SLC2A9: variants seen among roughly 807,000 people sequenced by gnomAD.
SLC2A9 encodes solute carrier family 2 member 9, also known as solute carrier family 2, facilitated glucose transporter member 9.
Under a neutral mutation model 50.6 loss-of-function variants are expected in SLC2A9, and 39 were observed. The observed-to-expected ratio is 0.77, with a 90% confidence interval of 0.60 to 1.01. The LOEUF (loss-of-function observed/expected upper bound fraction) is 1.01, where lower values mean the gene tolerates loss of function less well. SLC2A9 is among the 50% of genes least tolerant of loss of function. The probability of loss-of-function intolerance (pLI) is 0.00; values close to 1 mark genes in which losing one functional copy is unlikely to be tolerated. For synonymous variants in SLC2A9, 324 were observed against 276.9 expected, an observed-to-expected ratio of 1.17 and a Z score of -1.69; for missense variants, 686 against 677.6, an observed-to-expected ratio of 1.01 and a Z score of -0.14.
At chr4:9,801,818 G>T (rs1560130947) in intron 3 of SLC2A9, among the ~76,000 whole-genome samples, 1 of 152,152 alleles carries the variant, frequency 6.6e-6, no homozygotes, top group Non-Finnish European at 1.5e-5. Context: ...AAACAAGGGG[G>T]TTACAGGATA....
chr4:9,985,327 T>C (rs548188898), intron 4 of SLC2A9, among the ~76,000 whole-genome samples: 1 of 152,216 alleles, frequency 6.6e-6, no homozygotes, highest in East Asian at 1.9e-4. Flanking sequence ...AGAAACCCCA[T>C]CCTCATAAAA....
downstream of SLC2A9, among the ~76,000 whole-genome samples, chr4:9,775,478 C>T (rs1252365176): frequency 2.6e-5 from 4 of 152,098 alleles, no homozygotes; most frequent in Admixed American, 6.5e-5. Flanking sequence ...TTATCTCCAC[C>T]CAGATTTCAT....
intron 1 of SLC2A9, 83 bp downstream of exon 1, chr4:10,021,197 G>A: frequency 1.4e-6 from 2 of 1,443,220 alleles, no homozygotes; most frequent in Non-Finnish European, 1.9e-6. Context: ...GCCAGGCTGG[G>A]GCTGAGCACT....
chr4:10,021,676 A>AT (rs35419761), upstream of SLC2A9, among the ~76,000 whole-genome samples: 216 of 146,060 alleles, frequency 1.5e-3, no homozygotes, highest in Admixed American at 2.3e-3. Context: ...AGGGGGTGGA[A>AT]TTTTTTTTTT....
intron 10 of SLC2A9, among the ~76,000 whole-genome samples, chr4:9,844,274 T>C (rs75203506): frequency 0.01 from 1,587 of 152,210 alleles, 34 homozygotes; most frequent in African/African-American, 0.036. Flanking sequence ...CCCCTCTTTC[T>C]TTCTCTCCAT....
At chr4:9,795,724 C>CAT (rs1487937289), downstream of SLC2A9, among the ~76,000 whole-genome samples, 1 of 152,188 alleles carries the variant, frequency 6.6e-6, no homozygotes, top group Non-Finnish European at 1.5e-5. Context: ...TGCACTACTG[C>CAT]ATATATGGTG....
intron 6 of SLC2A9, among the ~76,000 whole-genome samples, chr4:9,923,432 C>T (rs971001940): frequency 2.6e-5 from 4 of 152,102 alleles, no homozygotes; most frequent in African/African-American, 4.8e-5. Flanking sequence ...TGACACTGTA[C>T]GGGGGCTCTT....
At chr4:9,846,661 A>T (rs887372759) in intron 10 of SLC2A9, among the ~76,000 whole-genome samples, 2 of 152,222 alleles carry the variant, frequency 1.3e-5, no homozygotes, top group Non-Finnish European at 2.9e-5. Context: ...TACTTGGCAC[A>T]TGGCAAATTA....
At chr4:9,782,546 T>C in intron 3 of SLC2A9, 1 of 1,613,946 alleles carries the variant, frequency 6.2e-7, no homozygotes. Flanking sequence ...CCTCATCTCC[T>C]TCATTCCGGT....
chr4:9,911,783 C>T (rs1577849759), intron 7 of SLC2A9, among the ~76,000 whole-genome samples: 3 of 152,320 alleles, frequency 2.0e-5, no homozygotes, highest in African/African-American at 7.2e-5. Flanking sequence ...CAGGACAGCA[C>T]CTGTTATAAT....
At chr4:9,968,230 A>G (rs1243598208) in intron 5 of SLC2A9, among the ~76,000 whole-genome samples, 1 of 152,080 alleles carries the variant, frequency 6.6e-6, no homozygotes, top group East Asian at 1.9e-4. Flanking sequence ...TTCATTTCTC[A>G]AGGTGGAGTT....
intron 5 of SLC2A9, 43 bp from the exon 6 acceptor site, chr4:9,942,088 C>A: frequency 6.2e-7 from 1 of 1,612,608 alleles, no homozygotes; most frequent in South Asian, 1.1e-5. Flanking sequence ...GGCCTTTGGT[C>A]ATTGTTGAGG....
intron 11 of SLC2A9, among the ~76,000 whole-genome samples, chr4:9,832,293 TC>T (rs1040806318): frequency 6.6e-6 from 1 of 152,176 alleles, no homozygotes; most frequent in Non-Finnish European, 1.5e-5. Flanking sequence ...CCTGTATTTC[TC>T]TAATGCATTG....
chr4:9,974,263 T>C (rs1403402112), intron 5 of SLC2A9, among the ~76,000 whole-genome samples: 1 of 152,144 alleles, frequency 6.6e-6, no homozygotes, highest in Non-Finnish European at 1.5e-5. Flanking sequence ...CTATTCAGCA[T>C]AGCAATAAAG....
At chr4:10,009,470 G>A (rs1761386255) in intron 2 of SLC2A9, 3 of 152,210 alleles carry the variant, frequency 2.0e-5, no homozygotes, top group Non-Finnish European at 4.4e-5. Flanking sequence ...TTGTTTATCT[G>A]CCTTTAGGGA....
At chr4:9,881,137 T>C (rs761247053) in intron 10 of SLC2A9, among the ~76,000 whole-genome samples, 13 of 152,224 alleles carry the variant, frequency 8.5e-5, no homozygotes, top group Admixed American at 2.6e-4. Context: ...TTGGTTTTCT[T>C]TCTAAGCCAC....
chr4:9,771,580 A>C (rs1383139542), intron 1 of SLC2A9, among the ~76,000 whole-genome samples: 4 of 152,248 alleles, frequency 2.6e-5, no homozygotes, highest in Admixed American at 1.3e-4. Flanking sequence ...AACACATATC[A>C]ATGGGTTCAT....
At chr4:9,789,891 G>C (rs6834449) in intron 3 of SLC2A9, among the ~76,000 whole-genome samples, 5,193 of 152,280 alleles carry the variant, frequency 0.034, 288 homozygotes, top group African/African-American at 0.12. Flanking sequence ...AAAACTCTTA[G>C]TGAACTGAGA....
intron 10 of SLC2A9, chr4:9,880,528 G>T: frequency 1.0e-6 from 1 of 985,228 alleles, no homozygotes. Context: ...ATTGCAAAAA[G>T]TCTTGGGAGG....
Sources: gnomAD v4.1 joint callset for allele counts (sites outside exome capture counted in the v4.1 genomes callset) on GRCh38, gnomAD v4.1.1 for gene constraint, MANE v1.5 for transcripts, NCBI Gene and HGNC (gene_info 2026-07-23, HGNC 2026-07-21) for gene names.